The following ATF3 variants were observed in gnomAD, a reference collection of about 807,000 sequenced individuals.
ATF3 encodes activating transcription factor 3, also known as cyclic AMP-dependent transcription factor ATF-3.
A neutral mutation model predicts 18.4 loss-of-function variants in ATF3; 10 were observed. The ratio of observed to expected loss-of-function variants is 0.54; its 90% CI spans 0.34 to 0.92. The LOEUF is 0.92. ATF3 is among the 40% of genes least tolerant of loss of function. The pLI, the probability that ATF3 is intolerant of heterozygous loss-of-function variation, is 0.02. For synonymous variants in ATF3, 78 were observed against 87.9 expected (o/e 0.89, Z 0.63); for missense variants, 183 against 222.3 (o/e 0.82, Z 1.12).
chr1:212,617,980 C>T (rs1655204251), intron 2 of ATF3, 147 bp from the exon 3 acceptor site: 2 of 712,164 alleles, frequency 2.8e-6, no homozygotes, highest in African/African-American at 3.6e-5. Context: ...GGTTTTCACA[C>T]AAAAGTCTAG....
At position 212,620,526 on chromosome 1, in the gene ATF3, A is replaced by G. The variant is rs1365925617; in HGVS notation, c.*971A>G. 2.6e-5 allele frequency: 4 copies of G among 152,566 alleles called. No homozygotes were observed. Among genetic ancestry groups the G allele is most frequent in the Non-Finnish European group, 5.9e-5 (4 of 68,022 alleles). 9.5% of individuals were successfully genotyped at this position (152,566 alleles called of 1,614,324 possible). A position where few individuals can be genotyped will look rare whatever the true frequency, so the allele number is the denominator to read the frequency against. On this transcript the variant is annotated 3_prime_UTR_variant, in exon 4 of 4. Transcript: ENST00000341491. Reference sequence around the variant, plus strand: ...TTTAGCATTATTGGATGTCAATAGCATTGTTTTTGTCATGTAGCTGTTTTA... The same window carrying G: ...TTTAGCATTATTGGATGTCAATAGCGTTGTTTTTGTCATGTAGCTGTTTTA...
At position 212,618,478 on chromosome 1, in the gene ATF3, G is replaced by A; in HGVS notation, c.348+244G>A. ...TTCGTCTGATGCCTGACTCCCAGCA[G>A]CCTCGGCCGGTTCATACATGTCCAT... On this transcript the variant is annotated intron_variant, in intron 3 of 3. Coordinates refer to ENST00000341491, the MANE Select transcript of ATF3 (RefSeq NM_001674.4). This position sits in a 1 kb window ranked among gnomAD's most constrained non-coding sequence, Gnocchi z 4.4. 1.9e-6 allele frequency: 1 copy of A among 528,006 alleles called. No individual in the cohort carries two copies. The highest frequency in any genetic ancestry group is 3.4e-6 in the Non-Finnish European group (1 of 291,068). The allele number at this position is 528,006 out of a possible 1,614,324, so 32.7% of individuals were successfully genotyped here.
chr1:212,597,461 T>A (rs189692391), intron 1 of ATF3, among the ~76,000 whole-genome samples: 3 of 151,534 alleles, frequency 2.0e-5, no homozygotes, highest in Admixed American at 6.6e-5. Context: ...CATCTATCTC[T>A]CTATCTAGCT....
At position 212,618,150 on chromosome 1, in the gene ATF3, G is replaced by C; in HGVS notation, c.264G>C (p.Arg88Ser). 6.2e-7 allele frequency: 1 copy of C among 1,614,116 alleles called. No homozygotes were observed. The change falls in exon 3 of 4, where the codon AGG becomes AGC. Residue 88 changes from arginine to serine, a missense_variant. Physicochemically the swap from Arg to Ser is moderately radical, Grantham distance 110. Transcript: ENST00000341491. This position sits in a 1 kb window ranked among gnomAD's most constrained non-coding sequence, Gnocchi z 4.4. Reference sequence around the variant, plus strand: ...AGGTAGCCCCTGAAGAAGATGAAAGGAAAAAGAGGCGACGAGAAAGAAATA... The same window carrying C: ...AGGTAGCCCCTGAAGAAGATGAAAGCAAAAAGAGGCGACGAGAAAGAAATA... ...KAEVAPEEDE[R>S]KKRRRERNKI...
At chr1:212,581,637 A>G (rs1021394640) in intron 1 of ATF3, among the ~76,000 whole-genome samples, 3 of 152,244 alleles carry the variant, frequency 2.0e-5, no homozygotes, top group African/African-American at 7.2e-5. Context: ...CAGCATAAAC[A>G]AAATATGGTC....
At position 212,619,064 on chromosome 1, in the gene ATF3, G is replaced by A. The variant is rs775404705; in HGVS notation, c.349-294G>A. The A allele has an allele frequency of 1.9e-6, 3 of 1,614,072 alleles. No homozygotes were observed. Among genetic ancestry groups the A allele is most frequent in the Non-Finnish European group, 1.7e-6 (2 of 1,180,040 alleles). The stretch of plus-strand genomic sequence containing the variant: ...TCCCCAGCTCCCAAGGCCCTTTTGG[G>A]TCCAGAAGACCTGCATATGGGCTGT... On this transcript the variant is annotated intron_variant, in intron 3 of 3. Transcript: ENST00000341491. This position sits in a 1 kb window ranked among gnomAD's most constrained non-coding sequence, Gnocchi z 4.4.
At chr1:212,586,133 C>T (rs1410785072) in intron 1 of ATF3, among the ~76,000 whole-genome samples, 3 of 152,194 alleles carry the variant, frequency 2.0e-5, no homozygotes, top group Non-Finnish European at 4.4e-5. Flanking sequence ...ATGCCTCACT[C>T]AGCCATGCCT....
At chr1:212,600,798 C>A (rs1183895533) in intron 1 of ATF3, among the ~76,000 whole-genome samples, 1 of 152,208 alleles carries the variant, frequency 6.6e-6, no homozygotes, top group East Asian at 1.9e-4. Flanking sequence ...ATATGCATCA[C>A]TGTGTACCTG....
chr1:212,618,170 GAAAT>G lies in ATF3; in HGVS notation c.287_290del (p.Asn96ArgfsTer28), dbSNP rs1655211700. 1 of 1,614,074 alleles carries G rather than the reference GAAAT, an allele frequency of 6.2e-7. No individual in the cohort carries two copies. On this transcript the variant is annotated frameshift_variant, in exon 3 of 4. Coordinates refer to ENST00000341491, the MANE Select transcript of ATF3 (RefSeq NM_001674.4). LOFTEE classifies it high-confidence loss of function. The surrounding 1 kb of genome is among the most constrained non-coding windows in gnomAD (Gnocchi z 4.4). The stretch of plus-strand genomic sequence containing the variant: ...GAAAGGAAAAAGAGGCGACGAGAAA[GAAAT>G]AAGATTGCAGCTGCAAAGTGCCGAA...
chr1:212,574,806 G>A lies in ATF3; in HGVS notation c.-5+9323G>A, dbSNP rs142010446. 3.1e-3 allele frequency among the ~76,000 whole-genome samples: 476 copies of A among 152,182 alleles called. 2 individuals are homozygous for A. Among genetic ancestry groups the A allele is most frequent in the African/African-American group, 0.011 (470 of 41,544 alleles). On this transcript the variant is annotated intron_variant, in intron 1 of 3. Coordinates refer to the ATF3 transcript ENST00000366981. ...TTTCAGTCATGTACAGAGCTTCCTT[G>A]TGTATATAGGTTATTTATGGGCTTT...
At chr1:212,570,020 T>C in intron 1 of ATF3, among the ~76,000 whole-genome samples, 1 of 152,214 alleles carries the variant, frequency 6.6e-6, no homozygotes, top group Non-Finnish European at 1.5e-5. Flanking sequence ...TTATTTTCTG[T>C]TTATGAATCT....
At chr1:212,590,247 C>CT (rs61625338) in intron 1 of ATF3, among the ~76,000 whole-genome samples, 6,998 of 140,062 alleles carry the variant, frequency 0.05, 596 homozygotes, top group African/African-American at 0.17. Context: ...TAAGTTTAAG[C>CT]TTTTTTTTTT....
chr1:212,576,148 TTAG>T (rs1664572666), intron 1 of ATF3, among the ~76,000 whole-genome samples: 1 of 152,148 alleles, frequency 6.6e-6, no homozygotes, highest in Non-Finnish European at 1.5e-5. Flanking sequence ...TAGCTAAGGC[TTAG>T]TTCTGGTTTT....
chr1:212,578,006 G>A (rs549007325), intron 1 of ATF3, among the ~76,000 whole-genome samples: 1 of 152,294 alleles, frequency 6.6e-6, no homozygotes, highest in Admixed American at 6.5e-5. Context: ...CCTCCATACT[G>A]TTTTTCATAA....
At chr1:212,568,920 A>T (rs1664431624) in intron 1 of ATF3, among the ~76,000 whole-genome samples, 2 of 152,226 alleles carry the variant, frequency 1.3e-5, no homozygotes, top group African/African-American at 4.8e-5. Context: ...AGGCATCTCA[A>T]GTAAAAAGGC....
intron 1 of ATF3, among the ~76,000 whole-genome samples, chr1:212,570,709 G>C (rs1664465186): frequency 6.6e-6 from 1 of 152,120 alleles, no homozygotes; most frequent in Non-Finnish European, 1.5e-5. Context: ...ATATGGAATG[G>C]AGTCACACAG....
At chr1:212,616,859 C>T (rs577891930) in intron 2 of ATF3, among the ~76,000 whole-genome samples, 1 of 152,110 alleles carries the variant, frequency 6.6e-6, no homozygotes, top group Non-Finnish European at 1.5e-5. Context: ...TTCTGGCCAG[C>T]ATAGCTGTAA....
chr1:212,566,718 A>G (rs1226246405), intron 1 of ATF3, among the ~76,000 whole-genome samples: 1 of 152,140 alleles, frequency 6.6e-6, no homozygotes, highest in Non-Finnish European at 1.5e-5. Context: ...AGCTCACAAA[A>G]GTGTCTGAGG....
chr1:212,605,346 A>G (rs1654591583), upstream of ATF3, among the ~76,000 whole-genome samples: 1 of 152,208 alleles, frequency 6.6e-6, no homozygotes, highest in East Asian at 1.9e-4. Flanking sequence ...AGCAATCCCC[A>G]CATTCAAACT....
Sources: gnomAD v4.1 joint callset for allele counts (sites outside exome capture counted in the v4.1 genomes callset) on GRCh38, gnomAD v4.1.1 for gene constraint, Gnocchi (gnomAD v3.1) non-coding constraint, MANE v1.5 for transcripts, NCBI Gene and HGNC (gene_info 2026-07-23, HGNC 2026-07-21) for gene names.